CCDC170: variants seen among roughly 807,000 people sequenced by gnomAD.
CCDC170 encodes the protein coiled-coil domain containing 170, also known as coiled-coil domain-containing protein 170.
In CCDC170, 69 loss-of-function variants were observed where a neutral mutation model predicts 72.6. That is an observed-to-expected ratio of 0.95 (90% confidence interval 0.78 to 1.16). The LOEUF (loss-of-function observed/expected upper bound fraction) is 1.16, where lower values mean the gene tolerates loss of function less well. Among genes scored for constraint, CCDC170 ranks in the 50% most tolerant of loss-of-function variants. CCDC170 has a pLI of 0.00. For missense variants in CCDC170, 852 were observed against 832.5 expected (o/e 1.02, Z -0.29); for synonymous variants, 300 against 303.9 (o/e 0.99, Z 0.13).
intron 5 of CCDC170, among the ~76,000 whole-genome samples, chr6:151,552,299 T>C (rs945513485): frequency 1.1e-5 from 1 of 88,922 alleles, no homozygotes; most frequent in Non-Finnish European, 2.2e-5. Flanking sequence ...ACGAATCTCT[T>C]TGGCGTAAGG....
chr6:151,548,373 G>A lies in CCDC170; in HGVS notation c.658G>A (p.Val220Ile). Residue 220 changes from valine to isoleucine, a missense_variant, in exon 5 of 11, where the codon GTC (valine) becomes ATC (isoleucine). Coordinates refer to ENST00000239374, the MANE Select transcript of CCDC170 (RefSeq NM_025059.4). Reference protein sequence around the residue: ...QIVILEETINVHEMEAKASRE... With the variant: ...QIVILEETINIHEMEAKASRE... ...TGTTATTCTTGAAGAGACTATAAAT[G>A]TCCATGAGATGGAAGCAAAAGCTAG... is the stretch of plus-strand genomic sequence containing the variant. 4 of 1,612,994 alleles carry A rather than the reference G, an allele frequency of 2.5e-6. No individual in the cohort carries two copies. The highest frequency in any genetic ancestry group is 2.2e-5 in the East Asian group (1 of 44,872).
At chr6:151,518,285 C>T (rs1004786922) in intron 1 of CCDC170, among the ~76,000 whole-genome samples, 5 of 152,114 alleles carry the variant, frequency 3.3e-5, no homozygotes, top group Non-Finnish European at 7.3e-5. Flanking sequence ...CAGCCCATCT[C>T]CAGGGGGTGG....
chr6:151,560,887 G>A lies in CCDC170; in HGVS notation c.775-12287G>A, dbSNP rs62444287. ...GATGGGTCTCTAGAGGAAAGAGAATGTAGGGTCTTGCTTTTTAATCCAATT... is the reference window on the plus strand; with the variant it reads ...GATGGGTCTCTAGAGGAAAGAGAATATAGGGTCTTGCTTTTTAATCCAATT... On this transcript the variant is annotated intron_variant, in intron 5 of 10. Coordinates refer to ENST00000239374, the MANE Select transcript of CCDC170 (RefSeq NM_025059.4). Among the ~76,000 whole-genome samples, 1,045 of 152,194 alleles carry A rather than the reference G, an allele frequency of 6.9e-3. 6 individuals are homozygous for A. Among genetic ancestry groups the A allele is most frequent in the Non-Finnish European group, 0.01 (709 of 67,962 alleles).
chr6:151,603,544 T>G (rs1183842233), intron 9 of CCDC170, among the ~76,000 whole-genome samples: 1 of 152,204 alleles, frequency 6.6e-6, no homozygotes, highest in Non-Finnish European at 1.5e-5. Context: ...AAGAAAGTGC[T>G]TTGTGTAATT....
rs377256935 is a variant in CCDC170, at chr6:151,517,434, C to CT, written c.58-18867dup. 2.0e-3 allele frequency among the ~76,000 whole-genome samples: 272 copies of CT among 139,384 alleles called. 2 individuals are homozygous for CT. The highest frequency in any genetic ancestry group is 3.2e-3 in the South Asian group (14 of 4,398). The allele number at this position is 139,384 out of a possible 152,430, so 91.4% of individuals were successfully genotyped here. A position where few individuals can be genotyped will look rare whatever the true frequency, so the allele number is the denominator to read the frequency against. ...CCCTTACTAATGATTTCTTCTTCTT[C>CT]TTTTTTTTTTTTTTTTTGAGATGGA... On this transcript the variant is annotated intron_variant, in intron 1 of 10. Coordinates refer to ENST00000239374, the MANE Select transcript of CCDC170 (RefSeq NM_025059.4).
chr6:151,549,046 C>A (rs1290962202), intron 5 of CCDC170, among the ~76,000 whole-genome samples: 1 of 152,028 alleles, frequency 6.6e-6, no homozygotes, highest in African/African-American at 2.4e-5. Context: ...ACTACAGGGG[C>A]CCACCACCAC....
At chr6:151,523,294 A>T (rs1782350528) in intron 1 of CCDC170, among the ~76,000 whole-genome samples, 1 of 152,162 alleles carries the variant, frequency 6.6e-6, no homozygotes, top group African/African-American at 2.4e-5. Flanking sequence ...AAAATAAAGC[A>T]AGGATTTAGT....
intron 8 of CCDC170, 69 bp from the exon 9 acceptor site, chr6:151,596,266 C>G (rs1177978755): frequency 6.9e-6 from 10 of 1,449,810 alleles, no homozygotes; most frequent in Admixed American, 2.7e-5. Flanking sequence ...TCAACATTAT[C>G]TGGGTAACTC....
intron 5 of CCDC170, among the ~76,000 whole-genome samples, chr6:151,565,795 TA>T (rs1390130640): frequency 2.6e-5 from 4 of 152,240 alleles, no homozygotes; most frequent in Non-Finnish European, 5.9e-5. Context: ...TACATGTAAC[TA>T]AGTCTTTAGT....
At chr6:151,602,948 G>A (rs892917940) in intron 9 of CCDC170, among the ~76,000 whole-genome samples, 1 of 151,998 alleles carries the variant, frequency 6.6e-6, no homozygotes, top group Non-Finnish European at 1.5e-5. Flanking sequence ...TTACAGGCGT[G>A]TGCCACCATG....
chr6:151,561,591 A>G (rs2115073815), intron 5 of CCDC170, among the ~76,000 whole-genome samples: 1 of 152,138 alleles, frequency 6.6e-6, no homozygotes, highest in Non-Finnish European at 1.5e-5. Context: ...TATTAATTTA[A>G]TAGGTTTTCT....
chr6:151,543,381 A>G (rs1285251354), intron 3 of CCDC170, among the ~76,000 whole-genome samples: 1 of 152,190 alleles, frequency 6.6e-6, no homozygotes, highest in African/African-American at 2.4e-5. Flanking sequence ...TGATACATGT[A>G]TACAATGTAT....
intron 5 of CCDC170, among the ~76,000 whole-genome samples, chr6:151,558,145 G>A (rs1299758775): frequency 1.3e-5 from 2 of 150,118 alleles, no homozygotes; most frequent in African/African-American, 2.5e-5. Flanking sequence ...TATGTCTTTC[G>A]TGAACTTCTA....
intron 5 of CCDC170, among the ~76,000 whole-genome samples, chr6:151,557,694 G>A (rs1399021562): frequency 6.6e-6 from 1 of 152,094 alleles, no homozygotes; most frequent in Non-Finnish European, 1.5e-5. Context: ...GTATCCTTGC[G>A]AGCATCTGTT....
At chr6:151,534,315 C>G (rs1344693925) in intron 1 of CCDC170, among the ~76,000 whole-genome samples, 1 of 151,826 alleles carries the variant, frequency 6.6e-6, no homozygotes, top group African/African-American at 2.4e-5. Flanking sequence ...TCATTTTCCC[C>G]AAACACTGGG....
At chr6:151,541,349 C>T (rs2115051329) in intron 3 of CCDC170, among the ~76,000 whole-genome samples, 1 of 151,888 alleles carries the variant, frequency 6.6e-6, no homozygotes, top group African/African-American at 2.4e-5. Flanking sequence ...GATTATTGTC[C>T]ATCTTTCCAA....
At position 151,571,732 on chromosome 6, in the gene CCDC170, GA is replaced by G. The variant is rs5880932; in HGVS notation, c.775-1433del. The stretch of plus-strand genomic sequence containing the variant: ...ATAAGAGTGAAACTCCGTCCCGGGA[GA>G]AAAAAAAATCCTCCTTTGGTGCCTC... On this transcript the variant is annotated intron_variant, in intron 5 of 10. Coordinates refer to ENST00000239374, the MANE Select transcript of CCDC170 (RefSeq NM_025059.4). Among the ~76,000 whole-genome samples, 67 of 151,350 alleles carry G rather than the reference GA, an allele frequency of 4.4e-4. 1 individual carries two copies. Among genetic ancestry groups the G allele is most frequent in the African/African-American group, 1.4e-3 (58 of 41,284 alleles).
At chr6:151,544,879 C>A (rs908702277) in intron 4 of CCDC170, among the ~76,000 whole-genome samples, 163 bp downstream of exon 4, 1 of 152,086 alleles carries the variant, frequency 6.6e-6, no homozygotes, top group African/African-American at 2.4e-5. Context: ...ACGTCACCTG[C>A]CTGAGCCTCA....
chr6:151,583,891 C>T lies in CCDC170; in HGVS notation c.1093-1998C>T, dbSNP rs74416627. ...GGGGTCAGCCAGTTAGTGGAAAAGT[C>T]AGAACGTACACATGTATCATTTAAG... On this transcript the variant is annotated intron_variant, in intron 6 of 10. Coordinates refer to ENST00000239374, the MANE Select transcript of CCDC170 (RefSeq NM_025059.4). Among the ~76,000 whole-genome samples, 144 of 152,316 alleles carry T rather than the reference C, an allele frequency of 9.5e-4. 1 individual carries two copies. In the East Asian group the frequency reaches 0.024, roughly 25 times the overall value.
Sources: gnomAD v4.1 joint callset for allele counts (sites outside exome capture counted in the v4.1 genomes callset) on GRCh38, gnomAD v4.1.1 for gene constraint, MANE v1.5 for transcripts, NCBI Gene and HGNC (gene_info 2026-07-23, HGNC 2026-07-21) for gene names.